RIMBP2: variants seen among roughly 807,000 people sequenced by gnomAD.
The protein encoded by RIMBP2 is RIMS-binding protein 2.
Under a neutral mutation model 118.6 loss-of-function variants are expected in RIMBP2, and 48 were observed. The observed-to-expected ratio is 0.40, with a 90% confidence interval of 0.32 to 0.51. The LOEUF (loss-of-function observed/expected upper bound fraction) is 0.51. Among genes scored for constraint, RIMBP2 ranks in the 20% least tolerant of loss-of-function variants. The probability of loss-of-function intolerance (pLI) is 0.41; values close to 1 mark genes in which losing one functional copy is unlikely to be tolerated. For synonymous variants in RIMBP2, 762 were observed against 742.9 expected, an observed-to-expected ratio of 1.03 and a Z score of -0.42; for missense variants, 1,551 against 1,768.3, an observed-to-expected ratio of 0.88 and a Z score of 2.20.
rs546990183 is a variant in RIMBP2 at position 130,463,465 on chromosome 12, A to C, written c.154-6765T>G. Among the ~76,000 whole-genome samples the C allele has an allele frequency of 3.3e-5, 5 of 152,290 alleles. No homozygotes were observed. In the East Asian group the frequency reaches 9.7e-4, roughly 30 times the overall value. On this transcript the variant is annotated intron_variant, in intron 6 of 22. Coordinates refer to ENST00000690449, the MANE Select transcript of RIMBP2 (RefSeq NM_001393629.1). Reference sequence around the variant, plus strand: ...AATGTGGATGTGGCTATTTCTAAAGACAAGGGGGAAGCATCCAAAGACACC... The same window carrying C: ...AATGTGGATGTGGCTATTTCTAAAGCCAAGGGGGAAGCATCCAAAGACACC...
chr12:130,506,998 A>G (rs1202993414), intron 3 of RIMBP2, among the ~76,000 whole-genome samples: 1 of 152,074 alleles, frequency 6.6e-6, no homozygotes, highest in Non-Finnish European at 1.5e-5. Context: ...CCTCCACCAC[A>G]GCCTCAGTGA....
chr12:130,569,767 C>A (rs2057491839), intron 2 of RIMBP2, among the ~76,000 whole-genome samples: 1 of 152,190 alleles, frequency 6.6e-6, no homozygotes, highest in African/African-American at 2.4e-5. Context: ...CCTGAGGCCT[C>A]CCCAGCCATG....
chr12:130,583,273 T>C (rs1183061378), intron 2 of RIMBP2, among the ~76,000 whole-genome samples: 2 of 152,158 alleles, frequency 1.3e-5, no homozygotes, highest in African/African-American at 2.4e-5. Context: ...GCACCTTCCT[T>C]GTGGGATTGT....
intron 4 of RIMBP2, among the ~76,000 whole-genome samples, chr12:130,480,343 C>G (rs1029886373): frequency 1.3e-5 from 2 of 152,146 alleles, no homozygotes; most frequent in African/African-American, 4.8e-5. Flanking sequence ...CAGGAAAGGA[C>G]TGAGAAGGGA....
intron 2 of RIMBP2, among the ~76,000 whole-genome samples, chr12:130,548,869 G>A (rs765995169): frequency 9.2e-5 from 14 of 152,002 alleles, no homozygotes; most frequent in Non-Finnish European, 1.9e-4. Context: ...TTACAGGCAT[G>A]AGCCGCCGTG....
At chr12:130,699,025 A>C (rs1275097502) in intron 1 of RIMBP2, among the ~76,000 whole-genome samples, 1 of 152,214 alleles carries the variant, frequency 6.6e-6, no homozygotes, top group Non-Finnish European at 1.5e-5. Context: ...TCAAAACCAC[A>C]ATGAGATACC....
At chr12:130,436,431 G>C (rs946214732) in intron 13 of RIMBP2, among the ~76,000 whole-genome samples, 12 of 152,164 alleles carry the variant, frequency 7.9e-5, no homozygotes, top group Non-Finnish European at 4.4e-5. Flanking sequence ...GCATGTGTGT[G>C]TATATATTTA....
At chr12:130,516,358 A>C (rs973885109) in intron 3 of RIMBP2, among the ~76,000 whole-genome samples, 4 of 152,252 alleles carry the variant, frequency 2.6e-5, no homozygotes, top group African/African-American at 9.6e-5. Context: ...AGCACCCGCT[A>C]TGCATCCTTT....
chr12:130,420,135 T>C lies in RIMBP2; in HGVS notation c.3238+2318A>G, dbSNP rs2076324558. ...ACAACTAGAGGAATATCCTGTCTGT[T>C]CAGCTGTCACTGATGTTCATTTCCC... On this transcript the variant is annotated intron_variant, in intron 17 of 22. Coordinates refer to ENST00000690449, the MANE Select transcript of RIMBP2 (RefSeq NM_001393629.1). This position sits in a 1 kb window ranked among gnomAD's most constrained non-coding sequence, Gnocchi z 4.3. Among the ~76,000 whole-genome samples the C allele has an allele frequency of 1.3e-5, 2 of 152,230 alleles. No individual in the cohort carries two copies. The highest frequency in any genetic ancestry group is 2.1e-4 in the South Asian group (1 of 4,828).
At chr12:130,472,351 AGAG>A (rs1182423596) in intron 5 of RIMBP2, 2 of 152,280 alleles carry the variant, frequency 1.3e-5, no homozygotes, top group Non-Finnish European at 2.9e-5. Context: ...GTAATGAGAC[AGAG>A]AAGAAAAGAC....
At chr12:130,673,823 A>G (rs2064309561) in intron 1 of RIMBP2, among the ~76,000 whole-genome samples, 2 of 152,046 alleles carry the variant, frequency 1.3e-5, no homozygotes, top group Admixed American at 6.6e-5. Flanking sequence ...AGTGTGTAGC[A>G]CTGGGCCAGG....
At chr12:130,653,800 A>G (rs1293513109) in intron 1 of RIMBP2, among the ~76,000 whole-genome samples, 1 of 152,128 alleles carries the variant, frequency 6.6e-6, no homozygotes, top group Non-Finnish European at 1.5e-5. Flanking sequence ...GGAAGCCCCA[A>G]AGGCTAATGG....
chr12:130,686,951 C>T (rs947575066), intron 1 of RIMBP2, among the ~76,000 whole-genome samples: 1 of 152,224 alleles, frequency 6.6e-6, no homozygotes, highest in African/African-American at 2.4e-5. Context: ...GTATACCTCG[C>T]GCTCGCTGGG....
At chr12:130,528,553 A>C (rs931520076) in intron 2 of RIMBP2, among the ~76,000 whole-genome samples, 11 of 152,168 alleles carry the variant, frequency 7.2e-5, no homozygotes, top group African/African-American at 2.4e-4. Context: ...CCACCATGGC[A>C]CATGTTTACC....
intron 2 of RIMBP2, among the ~76,000 whole-genome samples, chr12:130,590,860 A>ATGGCTGGCTGGC (rs753304061): frequency 2.0e-5 from 3 of 152,130 alleles, no homozygotes; most frequent in Non-Finnish European, 2.9e-5. Flanking sequence ...TGTCACCCGG[A>ATGGCTGGCTGGC]TGGCTGGCTG....
chr12:130,605,355 G>A (rs1020199987), intron 2 of RIMBP2, among the ~76,000 whole-genome samples: 45 of 152,230 alleles, frequency 3.0e-4, no homozygotes, highest in South Asian at 4.1e-4. Flanking sequence ...CGGGGAAACC[G>A]TGTTTCCAAC....
chr12:130,414,941 T>C (rs142989387), intron 17 of RIMBP2, among the ~76,000 whole-genome samples: 222 of 152,276 alleles, frequency 1.5e-3, no homozygotes, highest in African/African-American at 4.8e-3. Context: ...CCAATATTGA[T>C]GAAATGAATT....
At position 130,576,800 on chromosome 12, in the gene RIMBP2, AT is replaced by A. The variant is rs1477828474; in HGVS notation, c.-217+51521del. On this transcript the variant is annotated intron_variant, in intron 2 of 22. Coordinates refer to ENST00000690449, the MANE Select transcript of RIMBP2 (RefSeq NM_001393629.1). This position sits in a 1 kb window ranked among gnomAD's most constrained non-coding sequence, Gnocchi z 4.2. ...CGAGTCCTAAACGAATCACACCAGG[AT>A]GGAGATTGCAGGATGGCGTGTTTCC... Among the ~76,000 whole-genome samples, 1 of 152,214 alleles carries A rather than the reference AT, an allele frequency of 6.6e-6. No homozygotes were observed. Among genetic ancestry groups the A allele is most frequent in the African/African-American group, 2.4e-5 (1 of 41,458 alleles).
chr12:130,698,441 A>G (rs2065678972), intron 1 of RIMBP2, among the ~76,000 whole-genome samples: 1 of 152,186 alleles, frequency 6.6e-6, no homozygotes, highest in Admixed American at 6.5e-5. Context: ...CAGTGTGTGC[A>G]GTTTACAAAA....
Sources: allele counts gnomAD v4.1 joint callset (sites outside exome capture counted in the v4.1 genomes callset), GRCh38; gene constraint gnomAD v4.1.1; non-coding constraint Gnocchi (gnomAD v3.1); transcripts MANE v1.5; gene names NCBI Gene and HGNC (gene_info 2026-07-23, HGNC 2026-07-21).